GRID2: variants seen among roughly 807,000 people sequenced by gnomAD.
The protein encoded by GRID2 is glutamate receptor ionotropic, delta-2.
GRID2 carries 33 observed loss-of-function variants against 114.8 expected under a neutral mutation model. That is an observed-to-expected ratio of 0.29 (90% CI 0.22 to 0.38). GRID2 has a LOEUF of 0.38. Ranked by LOEUF, GRID2 falls within the 10% of genes least tolerant of loss-of-function variation. The pLI is 1.00. For missense variants in GRID2, 1,184 were observed against 1,257.7 expected, an observed-to-expected ratio of 0.94 and a Z score of 0.89; for synonymous variants, 505 against 449.9, an observed-to-expected ratio of 1.12 and a Z score of -1.55.
chr4:92,329,454 T>A (rs1211100514), intron 1 of GRID2, among the ~76,000 whole-genome samples: 3 of 152,190 alleles, frequency 2.0e-5, no homozygotes, highest in East Asian at 1.9e-4. Flanking sequence ...CTTTTAATAC[T>A]CATTTACTTA....
At chr4:92,600,236 A>G (rs1022092453) in intron 2 of GRID2, among the ~76,000 whole-genome samples, 2 of 151,610 alleles carry the variant, frequency 1.3e-5, no homozygotes, top group Non-Finnish European at 2.9e-5. Context: ...GTATACTTAT[A>G]CAAACAGAAA....
intron 2 of GRID2, among the ~76,000 whole-genome samples, chr4:92,650,083 T>A (rs1731849207): frequency 6.6e-6 from 1 of 152,016 alleles, no homozygotes; most frequent in Non-Finnish European, 1.5e-5. Flanking sequence ...TGTTATGAGG[T>A]CAATATCTAT....
At chr4:93,733,364 C>A (rs529479640) in intron 14 of GRID2, among the ~76,000 whole-genome samples, 22 of 152,258 alleles carry the variant, frequency 1.4e-4, no homozygotes, top group Admixed American at 1.3e-3. Context: ...CTTAGACACT[C>A]AAAAGTGCTC....
intron 13 of GRID2, among the ~76,000 whole-genome samples, chr4:93,603,737 T>C (rs953662210): frequency 6.6e-6 from 1 of 152,170 alleles, no homozygotes; most frequent in Non-Finnish European, 1.5e-5. Context: ...AGTGCTCACT[T>C]ACCATTCTGA....
intron 8 of GRID2, among the ~76,000 whole-genome samples, chr4:93,379,241 GA>G (rs1451765510): frequency 1.3e-5 from 2 of 151,982 alleles, no homozygotes; most frequent in East Asian, 3.9e-4. Context: ...TTATCAATAA[GA>G]CAAGTAATAT....
intron 2 of GRID2, among the ~76,000 whole-genome samples, chr4:93,073,972 G>A (rs954946922): frequency 6.6e-6 from 1 of 152,170 alleles, no homozygotes; most frequent in African/African-American, 2.4e-5. Flanking sequence ...TCTACCACAG[G>A]GGAAGGACCC....
chr4:92,794,925 C>T (rs1739788737), intron 2 of GRID2, among the ~76,000 whole-genome samples: 3 of 143,390 alleles, frequency 2.1e-5, no homozygotes, highest in South Asian at 2.2e-4. Context: ...CACACACACA[C>T]ATATCCTGTA....
At chr4:93,698,680 A>C (rs1472457000) in intron 14 of GRID2, among the ~76,000 whole-genome samples, 1 of 152,068 alleles carries the variant, frequency 6.6e-6, no homozygotes, top group Non-Finnish European at 1.5e-5. Flanking sequence ...TTTAGGAATA[A>C]GTTTTGAATA....
chr4:93,793,572 A>T (rs1734738451), intron 1 of GRID2, among the ~76,000 whole-genome samples: 1 of 152,210 alleles, frequency 6.6e-6, no homozygotes, highest in Non-Finnish European at 1.5e-5. Context: ...TCTGTAATTT[A>T]ACATGCATTC....
At chr4:93,727,314 C>T (rs912203245) in intron 14 of GRID2, among the ~76,000 whole-genome samples, 22 of 152,278 alleles carry the variant, frequency 1.4e-4, no homozygotes, top group African/African-American at 4.1e-4. Flanking sequence ...GTTGAACCAG[C>T]CTTGCATCCC....
At chr4:92,415,287 C>A (rs1426602954) in intron 1 of GRID2, among the ~76,000 whole-genome samples, 2 of 151,924 alleles carry the variant, frequency 1.3e-5, no homozygotes, top group African/African-American at 4.8e-5. Flanking sequence ...TTAAACTCTA[C>A]AACAAATATA....
At chr4:93,189,772 AC>A (rs1290817037) in intron 4 of GRID2, among the ~76,000 whole-genome samples, 1 of 88,800 alleles carries the variant, frequency 1.1e-5, no homozygotes, top group African/African-American at 4.4e-5. Flanking sequence ...ACCACACCAC[AC>A]CACACACACA....
At position 93,335,929 on chromosome 4, in the gene GRID2, T is replaced by C. The variant is rs570139698; in HGVS notation, c.1246-59678T>C. On this transcript the variant is annotated intron_variant, in intron 8 of 15. Coordinates refer to ENST00000282020, the MANE Select transcript of GRID2 (RefSeq NM_001510.4). The stretch of plus-strand genomic sequence containing the variant: ...GGTCTTAAACTGGGCTCAAGCGATC[T>C]GCTCACATTGGCCTCCCAAAGTGCT... Among the ~76,000 whole-genome samples, 258 of 152,294 alleles carry C rather than the reference T, an allele frequency of 1.7e-3. 1 individual carries two copies. Among genetic ancestry groups the C allele is most frequent in the Non-Finnish European group, 3.3e-3 (224 of 68,024 alleles).
chr4:92,570,226 A>G (rs1352002957), intron 1 of GRID2, among the ~76,000 whole-genome samples: 1 of 151,940 alleles, frequency 6.6e-6, no homozygotes, highest in Admixed American at 6.6e-5. Flanking sequence ...TCTTTTCCTC[A>G]TTCCTTGTTT....
chr4:92,542,785 T>A (rs1726042659), intron 1 of GRID2, among the ~76,000 whole-genome samples: 2 of 151,818 alleles, frequency 1.3e-5, no homozygotes, highest in Non-Finnish European at 2.9e-5. Context: ...GAAATAAAAA[T>A]TTAAAAAGAA....
intron 8 of GRID2, among the ~76,000 whole-genome samples, chr4:93,266,215 T>A (rs1198375740): frequency 1.3e-5 from 2 of 151,978 alleles, no homozygotes; most frequent in African/African-American, 2.4e-5. Context: ...CCAGAAATTA[T>A]TTTTTTTCTC....
chr4:93,688,214 A>AT lies in GRID2; in HGVS notation c.2360+61788dup, dbSNP rs534218540. Among the ~76,000 whole-genome samples the AT allele has an allele frequency of 6.3e-3, 952 of 151,332 alleles. 4 individuals carry two copies. The highest frequency in any genetic ancestry group is 0.012 in the South Asian group (56 of 4,762). ...AAAACAAGGCTACTAGAAAAACAGT[A>AT]TTTTTTTTTCTTTCTCTGTGAGGTT... On this transcript the variant is annotated intron_variant, in intron 14 of 15. Coordinates refer to ENST00000282020, the MANE Select transcript of GRID2 (RefSeq NM_001510.4).
chr4:93,783,899 C>A (rs918274790), intron 1 of GRID2, among the ~76,000 whole-genome samples: 1 of 150,750 alleles, frequency 6.6e-6, no homozygotes, highest in Admixed American at 6.6e-5. Context: ...GGTGAAACCC[C>A]GTCTCTACTA....
chr4:92,519,916 G>T (rs1724683441), intron 1 of GRID2, among the ~76,000 whole-genome samples: 1 of 151,780 alleles, frequency 6.6e-6, no homozygotes, highest in Admixed American at 6.6e-5. Context: ...CCCATATTGG[G>T]GGGCGGAATT....
Sources: gnomAD v4.1 joint callset for allele counts (sites outside exome capture counted in the v4.1 genomes callset) on GRCh38, gnomAD v4.1.1 for gene constraint, MANE v1.5 for transcripts, NCBI Gene and HGNC (gene_info 2026-07-23, HGNC 2026-07-21) for gene names.